CAST: variants seen among roughly 807,000 people sequenced by gnomAD.
CAST encodes calpastatin.
In CAST, 76 loss-of-function variants were observed where a neutral mutation model predicts 119.6. The observed-to-expected ratio is 0.64, with a 90% CI of 0.53 to 0.77. The LOEUF (loss-of-function observed/expected upper bound fraction) is 0.77. Among genes scored for constraint, CAST ranks in the 30% least tolerant of loss-of-function variants. The pLI, the probability that CAST is intolerant of heterozygous loss-of-function variation, is 0.00. For missense variants in CAST, 953 were observed against 946.5 expected, an observed-to-expected ratio of 1.01 and a Z score of -0.09; for synonymous variants, 319 against 331.6, an observed-to-expected ratio of 0.96 and a Z score of 0.41.
At chr5:96,703,360 T>C (rs1050268536) in intron 3 of CAST, among the ~76,000 whole-genome samples, 4 of 152,168 alleles carry the variant, frequency 2.6e-5, no homozygotes, top group African/African-American at 7.2e-5. Flanking sequence ...TGTGATGACC[T>C]CCGTTTTAGA....
chr5:96,401,257 A>T, the CAST span, among the ~76,000 whole-genome samples: 1 of 152,072 alleles, frequency 6.6e-6, no homozygotes, highest in Non-Finnish European at 1.5e-5. Flanking sequence ...TGTGGGGGAG[A>T]AATATTTGAG....
At chr5:96,095,886 T>C in the CAST span, among the ~76,000 whole-genome samples, 1 of 152,204 alleles carries the variant, frequency 6.6e-6, no homozygotes, top group Non-Finnish European at 1.5e-5. Flanking sequence ...GCAACTTAGA[T>C]TGTATTTAAA....
chr5:96,144,107 C>T, the CAST span, among the ~76,000 whole-genome samples: 21 of 152,084 alleles, frequency 1.4e-4, no homozygotes, highest in Admixed American at 8.5e-4. Flanking sequence ...GGTGTCTTGA[C>T]GGCCAGAACA....
At chr5:96,548,954 G>T (rs1433190717) in intron 1 of CAST, among the ~76,000 whole-genome samples, 1 of 152,208 alleles carries the variant, frequency 6.6e-6, no homozygotes, top group Non-Finnish European at 1.5e-5. Context: ...TGGCAAGCCT[G>T]AAGGTGAGCA....
chr5:96,459,651 C>A, the CAST span, among the ~76,000 whole-genome samples: 44 of 152,260 alleles, frequency 2.9e-4, no homozygotes, highest in African/African-American at 1.0e-3. Flanking sequence ...CTGGAGCTAA[C>A]CCTGCAGAAT....
upstream of CAST, among the ~76,000 whole-genome samples, chr5:96,526,833 A>G (rs1357319280): frequency 6.6e-6 from 1 of 152,198 alleles, no homozygotes; most frequent in Non-Finnish European, 1.5e-5. Flanking sequence ...AAAGAGACAC[A>G]CGTTATAGTA....
chr5:96,500,888 C>T, the CAST span, among the ~76,000 whole-genome samples: 1 of 152,086 alleles, frequency 6.6e-6, no homozygotes, highest in Non-Finnish European at 1.5e-5. Flanking sequence ...TTTTAAAGAA[C>T]AATGTCAGAT....
the CAST span, among the ~76,000 whole-genome samples, chr5:96,450,505 G>C: frequency 2.0e-5 from 3 of 152,134 alleles, no homozygotes; most frequent in Non-Finnish European, 4.4e-5. Flanking sequence ...CATTATTCGA[G>C]TGATGGATAT....
chr5:96,236,111 GTCTATCTA>G, the CAST span, among the ~76,000 whole-genome samples: 56 of 151,770 alleles, frequency 3.7e-4, no homozygotes, highest in Middle Eastern at 3.4e-3. Context: ...CTGTCTGTCT[GTCTATCTA>G]TCTATCTCTC....
chr5:96,560,170 T>C (rs1003456148), intron 1 of CAST, among the ~76,000 whole-genome samples: 39 of 152,072 alleles, frequency 2.6e-4, no homozygotes, highest in African/African-American at 8.0e-4. Context: ...AAGCTGAAAC[T>C]GGATCCCTTC....
the CAST span, among the ~76,000 whole-genome samples, chr5:96,118,849 A>G: frequency 6.7e-6 from 1 of 149,474 alleles, no homozygotes; most frequent in Non-Finnish European, 1.5e-5. Flanking sequence ...CAGTTACTTC[A>G]TTGCTTAAGT....
chr5:96,766,246 T>G, intron 27 of CAST, 101 bp downstream of exon 27: 1 of 672,342 alleles, frequency 1.5e-6, no homozygotes, highest in Non-Finnish European at 2.6e-6. Context: ...TACAATAGCA[T>G]AAAACATACC....
the CAST span, among the ~76,000 whole-genome samples, chr5:96,340,672 G>GT: frequency 6.6e-6 from 1 of 152,172 alleles, no homozygotes; most frequent in Non-Finnish European, 1.5e-5. Flanking sequence ...GTTTACCCCA[G>GT]TTTATAACCT....
At chr5:96,106,741 A>G in the CAST span, among the ~76,000 whole-genome samples, 135 of 151,876 alleles carry the variant, frequency 8.9e-4, no homozygotes, top group Non-Finnish European at 9.1e-4. Context: ...TATTAGGTCC[A>G]CTTGGTGCAG....
At chr5:96,319,364 T>C in the CAST span, among the ~76,000 whole-genome samples, 6 of 152,206 alleles carry the variant, frequency 3.9e-5, no homozygotes, top group Admixed American at 3.9e-4. Context: ...AGGTAAATGC[T>C]ATTATTCTCA....
At chr5:96,494,829 G>C in the CAST span, among the ~76,000 whole-genome samples, 2 of 152,266 alleles carry the variant, frequency 1.3e-5, no homozygotes, top group Admixed American at 1.3e-4. Context: ...TATATTAAAA[G>C]TGCGTTGGCC....
chr5:96,608,816 A>C (rs1415044129), intron 1 of CAST, among the ~76,000 whole-genome samples: 2 of 152,190 alleles, frequency 1.3e-5, no homozygotes, highest in Non-Finnish European at 2.9e-5. Context: ...CACATCTTCC[A>C]AGGCCAGAGC....
the CAST span, among the ~76,000 whole-genome samples, chr5:96,015,740 A>G: frequency 6.6e-6 from 1 of 152,202 alleles, no homozygotes; most frequent in South Asian, 2.1e-4. Context: ...TAATCTTCAC[A>G]ATAATCCTTT....
the CAST span, among the ~76,000 whole-genome samples, chr5:96,439,814 A>G: frequency 6.6e-6 from 1 of 152,182 alleles, no homozygotes; most frequent in Non-Finnish European, 1.5e-5. Flanking sequence ...CTTGTTGTTT[A>G]AAATAATATA....
Sources: allele counts gnomAD v4.1 joint callset (sites outside exome capture counted in the v4.1 genomes callset), GRCh38; gene constraint gnomAD v4.1.1; transcripts MANE v1.5; gene names NCBI Gene and HGNC (gene_info 2026-07-23, HGNC 2026-07-21).